Variants in KLF8 observed in about 807,000 individuals in gnomAD.
KLF8 encodes KLF transcription factor 8, also known as Krueppel-like factor 8.
KLF8 carries 10 observed loss-of-function variants against 18.2 expected under a neutral mutation model. The ratio of observed to expected loss-of-function variants is 0.55; its 90% confidence interval spans 0.34 to 0.93. KLF8 has a LOEUF of 0.93. Ranked by LOEUF, KLF8 falls within the 40% of genes least tolerant of loss-of-function variation. The probability of loss-of-function intolerance (pLI) is 0.02; values close to 1 mark genes in which losing one functional copy is unlikely to be tolerated. For missense variants in KLF8, 264 were observed against 277.9 expected, an observed-to-expected ratio of 0.95 and a Z score of 0.36; for synonymous variants, 109 against 97.3, an observed-to-expected ratio of 1.12 and a Z score of -0.71.
chrX:55,991,479 G>A, the KLF8 span, among the ~76,000 whole-genome samples: 8 of 111,475 alleles, frequency 7.2e-5, no homozygotes, highest in Non-Finnish European at 1.3e-4. Flanking sequence ...GGCCTGCCTC[G>A]GCTCCCACTC....
At chrX:56,221,713 T>C in the KLF8 span, among the ~76,000 whole-genome samples, 1 of 111,457 alleles carries the variant, frequency 9.0e-6, no homozygotes, top group Non-Finnish European at 1.9e-5. Flanking sequence ...CTGGCTTCCG[T>C]AGTGAAGCTG....
the KLF8 span, among the ~76,000 whole-genome samples, chrX:55,969,925 C>A: frequency 2.7e-5 from 3 of 110,856 alleles, no homozygotes; most frequent in African/African-American, 9.8e-5. Flanking sequence ...GTAATGAGAT[C>A]AAAGCTGCAT....
chrX:56,102,231 T>C, the KLF8 span, among the ~76,000 whole-genome samples: 1 of 111,586 alleles, frequency 9.0e-6, no homozygotes, highest in African/African-American at 3.3e-5. Flanking sequence ...TGCTCGTTTT[T>C]GTCAGCTTTC....
At chrX:55,932,903 C>G in the KLF8 span, among the ~76,000 whole-genome samples, 1 of 110,457 alleles carries the variant, frequency 9.1e-6, no homozygotes, top group East Asian at 2.8e-4. Context: ...TCAGGAAACA[C>G]TTTCCCTTTT....
At chrX:55,996,279 T>A in the KLF8 span, among the ~76,000 whole-genome samples, 1 of 111,872 alleles carries the variant, frequency 8.9e-6, no homozygotes. Flanking sequence ...CTGGATTTTT[T>A]AGATTCTTTT....
chrX:56,133,141 G>A, the KLF8 span, among the ~76,000 whole-genome samples: 444 of 111,506 alleles, frequency 4.0e-3, no homozygotes, highest in African/African-American at 0.014. Flanking sequence ...CAGAGAAAGA[G>A]CAAATCCTCC....
chrX:56,019,316 C>G, the KLF8 span, among the ~76,000 whole-genome samples: 2 of 112,468 alleles, frequency 1.8e-5, no homozygotes, highest in Non-Finnish European at 3.8e-5. Flanking sequence ...CTTTAGACTT[C>G]TCTTGGAGAA....
At chrX:55,923,370 G>T in the KLF8 span, among the ~76,000 whole-genome samples, 7 of 110,565 alleles carry the variant, frequency 6.3e-5, no homozygotes, top group Non-Finnish European at 1.1e-4. Flanking sequence ...CCATCCAGAA[G>T]AATATTGAAT....
the KLF8 span, among the ~76,000 whole-genome samples, chrX:55,950,973 A>T: frequency 4.5e-5 from 5 of 111,737 alleles, no homozygotes; most frequent in Non-Finnish European, 7.5e-5. Context: ...TGACACTGCC[A>T]TTGGCCTTTA....
the KLF8 span, among the ~76,000 whole-genome samples, chrX:55,915,465 A>AT: frequency 8.9e-6 from 1 of 111,954 alleles, no homozygotes; most frequent in Non-Finnish European, 1.9e-5. Context: ...ATGGGTACAT[A>AT]TGAAAAAGAT....
intron 5 of KLF8, among the ~76,000 whole-genome samples, chrX:56,277,408 G>A (rs1301899634): frequency 8.9e-6 from 1 of 111,908 alleles, no homozygotes; most frequent in Non-Finnish European, 1.9e-5. Context: ...CAGACTTGTA[G>A]AGGTTCCACT....
At chrX:56,238,642 G>GTCTA in intron 1 of KLF8, among the ~76,000 whole-genome samples, 2 of 111,328 alleles carry the variant, frequency 1.8e-5, no homozygotes, top group Non-Finnish European at 3.8e-5. Flanking sequence ...ATCTGGCCTA[G>GTCTA]GTGGCCTTAA....
At chrX:56,242,284 T>C (rs749730069) in intron 1 of KLF8, among the ~76,000 whole-genome samples, 6 of 112,245 alleles carry the variant, frequency 5.3e-5, no homozygotes, top group Non-Finnish European at 7.5e-5. Flanking sequence ...CAGGTGATAT[T>C]GTAGAACATG....
At chrX:55,984,664 T>C in the KLF8 span, among the ~76,000 whole-genome samples, 7 of 111,571 alleles carry the variant, frequency 6.3e-5, no homozygotes, top group African/African-American at 2.3e-4. Context: ...AGGGTCAAAA[T>C]GGTATTTCTG....
the KLF8 span, among the ~76,000 whole-genome samples, chrX:56,126,415 C>T: frequency 2.7e-5 from 3 of 112,244 alleles, no homozygotes; most frequent in East Asian, 2.8e-4. Context: ...AATCACTCCT[C>T]GTCTATCCTT....
chrX:56,024,696 A>C, the KLF8 span, among the ~76,000 whole-genome samples: 5 of 111,622 alleles, frequency 4.5e-5, no homozygotes, highest in African/African-American at 1.3e-4. Flanking sequence ...ATCAGAGTGA[A>C]ACAGAACAGA....
At chrX:55,987,649 C>T in the KLF8 span, among the ~76,000 whole-genome samples, 6 of 111,774 alleles carry the variant, frequency 5.4e-5, no homozygotes, top group Non-Finnish European at 1.1e-4. Context: ...TGAATAGTGC[C>T]GCAATAAACA....
At chrX:56,214,858 G>T in the KLF8 span, among the ~76,000 whole-genome samples, 1 of 112,137 alleles carries the variant, frequency 8.9e-6, no homozygotes, top group African/African-American at 3.2e-5. Flanking sequence ...CAACTCCAAA[G>T]TCTAAACTAT....
At chrX:56,089,228 C>G in the KLF8 span, among the ~76,000 whole-genome samples, 5 of 111,261 alleles carry the variant, frequency 4.5e-5, no homozygotes, top group Non-Finnish European at 9.4e-5. Flanking sequence ...AGATCTCATC[C>G]AGAATTTACG....
Sources: allele counts gnomAD v4.1 joint callset (sites outside exome capture counted in the v4.1 genomes callset), GRCh38; gene constraint gnomAD v4.1.1; transcripts MANE v1.5; gene names NCBI Gene and HGNC (gene_info 2026-07-23, HGNC 2026-07-21).